YPEL2: variants seen among roughly 807,000 people sequenced by gnomAD.
The protein encoded by YPEL2 is protein yippee-like 2.
YPEL2 carries 2 observed loss-of-function variants against 19.1 expected under a neutral mutation model. That is an observed-to-expected ratio of 0.10 (90% CI 0.04 to 0.33). The LOEUF is 0.33. Ranked by LOEUF, YPEL2 falls within the 10% of genes least tolerant of loss-of-function variation. YPEL2 has a pLI of 1.00. For synonymous variants in YPEL2, 52 were observed against 50.0 expected (o/e 1.04, Z -0.17); for missense variants, 66 against 140.7 (o/e 0.47, Z 2.68).
chr17:59,361,225 CTG>C lies in YPEL2; in HGVS notation c.117+7702_117+7703del, dbSNP rs558871689. Among the ~76,000 whole-genome samples, 1,329 of 152,278 alleles carry C rather than the reference CTG, an allele frequency of 8.7e-3. 10 individuals carry two copies. Among genetic ancestry groups the C allele is most frequent in the Non-Finnish European group, 0.015 (1,051 of 68,018 alleles). The stretch of plus-strand genomic sequence containing the variant: ...TGTATGTGGGTGACGGCAGTGGGGA[CTG>C]TGCCTATACTTGCTCTTATCATCTT... On this transcript the variant is annotated intron_variant, in intron 2 of 4. Coordinates refer to ENST00000312655, the MANE Select transcript of YPEL2 (RefSeq NM_001005404.4).
At chr17:59,331,890 C>T (rs2047671476) in intron 1 of YPEL2, 66 bp downstream of exon 1, 1 of 151,470 alleles carries the variant, frequency 6.6e-6, no homozygotes, top group South Asian at 2.1e-4. Context: ...TCAGCTCGGG[C>T]TCTGGGTCCC....
At chr17:59,350,491 C>A (rs998264724) in intron 1 of YPEL2, among the ~76,000 whole-genome samples, 1 of 152,190 alleles carries the variant, frequency 6.6e-6, no homozygotes, top group Non-Finnish European at 1.5e-5. Flanking sequence ...CTTCCAGAGC[C>A]TTTCTAGCAC....
At chr17:59,390,534 C>G (rs200943101) in intron 4 of YPEL2, among the ~76,000 whole-genome samples, 1 of 152,232 alleles carries the variant, frequency 6.6e-6, no homozygotes, top group Non-Finnish European at 1.5e-5. Context: ...AAGGCATTAT[C>G]AAAAACTGCC....
intron 4 of YPEL2, 41 bp from the exon 5 acceptor site, chr17:59,397,060 T>C: frequency 6.6e-7 from 1 of 1,508,368 alleles, no homozygotes; most frequent in Non-Finnish European, 9.0e-7. Flanking sequence ...TTTCTTGTCT[T>C]TGGTCGTTCA....
In YPEL2 at chr17:59,399,347, G is replaced by A. The variant is rs960413858; in HGVS notation, c.*2157G>A. On this transcript the variant is annotated 3_prime_UTR_variant, in exon 5 of 5. Coordinates refer to ENST00000312655, the MANE Select transcript of YPEL2 (RefSeq NM_001005404.4). ...TTGATAGTCCTTCCCATAAGAAAATGGGGTTAAACATGGGGTAGGTATTTT... is the reference window on the plus strand; with the variant it reads ...TTGATAGTCCTTCCCATAAGAAAATAGGGTTAAACATGGGGTAGGTATTTT... The A allele has an allele frequency of 6.6e-6, 1 of 152,232 alleles. No individual in the cohort carries two copies. Among genetic ancestry groups the A allele is most frequent in the Non-Finnish European group, 1.5e-5 (1 of 68,030 alleles). The allele number at this position is 152,232 out of a possible 1,614,324, so 9.4% of individuals were successfully genotyped here.
At chr17:59,371,006 G>A (rs143403386) in intron 2 of YPEL2, among the ~76,000 whole-genome samples, 8 of 152,062 alleles carry the variant, frequency 5.3e-5, no homozygotes, top group Admixed American at 2.6e-4. Flanking sequence ...GTAGAGTTCC[G>A]CACACTGGGA....
At chr17:59,346,983 G>A (rs1377636649) in intron 1 of YPEL2, among the ~76,000 whole-genome samples, 1 of 152,142 alleles carries the variant, frequency 6.6e-6, no homozygotes, top group Non-Finnish European at 1.5e-5. Flanking sequence ...CCTGACACAT[G>A]GTAGACTCTT....
intron 1 of YPEL2, among the ~76,000 whole-genome samples, chr17:59,339,643 A>G (rs1050333385): frequency 6.6e-6 from 1 of 152,156 alleles, no homozygotes; most frequent in African/African-American, 2.4e-5. Flanking sequence ...CTGAGAATAC[A>G]CTTCCTCAGA....
chr17:59,376,077 G>C (rs1399295367), intron 2 of YPEL2, among the ~76,000 whole-genome samples: 1 of 152,176 alleles, frequency 6.6e-6, no homozygotes, highest in Non-Finnish European at 1.5e-5. Flanking sequence ...CTATATACCT[G>C]TCAGTTTTAG....
chr17:59,359,097 T>C (rs1220033492), intron 2 of YPEL2, among the ~76,000 whole-genome samples: 3 of 151,680 alleles, frequency 2.0e-5, no homozygotes, highest in African/African-American at 7.3e-5. Flanking sequence ...CTAATTTTTG[T>C]ATTTTTAGTA....
Position 59,399,059 on chromosome 17 carries a change from G to A in YPEL2, c.*1869G>A, listed in dbSNP as rs1411213525. On this transcript the variant is annotated 3_prime_UTR_variant, in exon 5 of 5. Coordinates refer to ENST00000312655, the MANE Select transcript of YPEL2 (RefSeq NM_001005404.4). ...TTCCAGTGCTTTCATAGCCCTGGGA[G>A]ATCAAGTTGTTCTCCCCACTTTACT... 1.3e-5 allele frequency: 2 copies of A among 152,474 alleles called. No homozygotes were observed. The highest frequency in any genetic ancestry group is 2.9e-5 in the Non-Finnish European group (2 of 68,034). The allele number at this position is 152,474 out of a possible 1,614,324, so 9.4% of individuals were successfully genotyped here. A position where few individuals can be genotyped will look rare whatever the true frequency, so the allele number is the denominator to read the frequency against.
chr17:59,387,257 T>TCA (rs1555571964), intron 2 of YPEL2, among the ~76,000 whole-genome samples: 810 of 76,658 alleles, frequency 0.011, 47 homozygotes, highest in African/African-American at 0.019. Context: ...AGACTCCATC[T>TCA]AAAAAAAAAA....
chr17:59,364,464 TC>T lies in YPEL2; in HGVS notation c.117+10939del, dbSNP rs200004716. On this transcript the variant is annotated intron_variant, in intron 2 of 4. Coordinates refer to ENST00000312655, the MANE Select transcript of YPEL2 (RefSeq NM_001005404.4). The stretch of plus-strand genomic sequence containing the variant: ...AGGTTAGACTGTCTTTAAAGTTCCT[TC>T]TACTTCCCCCCTGCGTCTTCTGAGT... 1.6e-3 allele frequency among the ~76,000 whole-genome samples: 243 copies of T among 152,310 alleles called. 6 individuals are homozygous for T. The East Asian group carries it at 0.03, about 19-fold the overall frequency.
chr17:59,346,307 C>A (rs541557722), intron 1 of YPEL2, among the ~76,000 whole-genome samples: 4 of 152,318 alleles, frequency 2.6e-5, no homozygotes, highest in African/African-American at 9.6e-5. Context: ...AGGTCCCTTT[C>A]AGTCTTTCTA....
intron 2 of YPEL2, chr17:59,354,471 G>A (rs910541022): frequency 2.0e-5 from 3 of 152,178 alleles, no homozygotes; most frequent in Non-Finnish European, 4.4e-5. Flanking sequence ...GCTGGAAAAG[G>A]TGGCTGTTGC....
intron 3 of YPEL2, chr17:59,388,768 C>A: frequency 4.6e-6 from 1 of 218,432 alleles, no homozygotes; most frequent in Non-Finnish European, 9.1e-6. Context: ...CGGGCAGATG[C>A]ACAGTTTCCA....
At chr17:59,355,235 A>G (rs1188710484) in intron 2 of YPEL2, 1 of 152,220 alleles carries the variant, frequency 6.6e-6, no homozygotes, top group African/African-American at 2.4e-5. Flanking sequence ...TGAAACTCAT[A>G]AAACTTGTCC....
intron 1 of YPEL2, chr17:59,345,207 G>A (rs930709): frequency 0.77 from 116,593 of 152,130 alleles, 45,574 homozygotes; most frequent in African/African-American, 0.92. Flanking sequence ...TAAAGGCTGA[G>A]AGAATTCTAG....
chr17:59,372,952 C>T (rs1172086759), intron 2 of YPEL2, among the ~76,000 whole-genome samples: 1 of 152,222 alleles, frequency 6.6e-6, no homozygotes, highest in African/African-American at 2.4e-5. Context: ...CGGCTCACTG[C>T]AACCTCTGCC....
Sources: gnomAD v4.1 joint callset for allele counts (sites outside exome capture counted in the v4.1 genomes callset) on GRCh38, gnomAD v4.1.1 for gene constraint, MANE v1.5 for transcripts, NCBI Gene and HGNC (gene_info 2026-07-23, HGNC 2026-07-21) for gene names.